Variants in LINGO2 observed in about 807,000 individuals in gnomAD.
LINGO2 encodes the protein leucine rich repeat and Ig domain containing 2.
In LINGO2, 14 loss-of-function variants were observed where a neutral mutation model predicts 30.6. The observed-to-expected ratio is 0.46, with a 90% CI of 0.30 to 0.72. The LOEUF is 0.72. Among genes scored for constraint, LINGO2 ranks in the 30% least tolerant of loss-of-function variants. The pLI is 0.07. For missense variants in LINGO2, 729 were observed against 751.7 expected, an observed-to-expected ratio of 0.97 and a Z score of 0.35; for synonymous variants, 317 against 288.5, an observed-to-expected ratio of 1.10 and a Z score of -1.00.
intron 4 of LINGO2, among the ~76,000 whole-genome samples, chr9:28,072,517 G>A (rs1167651267): frequency 1.3e-5 from 2 of 152,176 alleles, no homozygotes; most frequent in African/African-American, 4.8e-5. Flanking sequence ...AGACCTGTCA[G>A]GCCAAAAGGT....
At chr9:29,063,892 A>G in the LINGO2 span, among the ~76,000 whole-genome samples, 2 of 152,210 alleles carry the variant, frequency 1.3e-5, no homozygotes, top group Admixed American at 1.3e-4. Context: ...CAATACCTAC[A>G]TAACAAAGAT....
chr9:28,157,280 A>C (rs1456840789), intron 4 of LINGO2, among the ~76,000 whole-genome samples: 1 of 152,178 alleles, frequency 6.6e-6, no homozygotes, highest in East Asian at 1.9e-4. Context: ...CACCATGTGG[A>C]AGCTGCCAAG....
chr9:28,059,220 C>G (rs11789905), intron 4 of LINGO2, among the ~76,000 whole-genome samples: 13,361 of 152,128 alleles, frequency 0.088, 809 homozygotes, highest in Middle Eastern at 0.18. Flanking sequence ...AAATGCTAAA[C>G]CGTCACAGCT....
intron 1 of LINGO2, among the ~76,000 whole-genome samples, chr9:28,539,972 T>G (rs1469254525): frequency 6.6e-6 from 1 of 152,138 alleles, no homozygotes. Context: ...GCCCGAGTCA[T>G]TTACTTTCCT....
At chr9:28,439,814 G>C (rs10812828) in intron 2 of LINGO2, among the ~76,000 whole-genome samples, 20,147 of 152,054 alleles carry the variant, frequency 0.13, 1,430 homozygotes, top group South Asian at 0.22. Context: ...CGTGAAACTA[G>C]CTTTGTTCAG....
chr9:29,207,238 AG>A, the LINGO2 span, among the ~76,000 whole-genome samples: 1 of 152,076 alleles, frequency 6.6e-6, no homozygotes, highest in African/African-American at 2.4e-5. Flanking sequence ...AAGAAAATAA[AG>A]GCACTTTCCT....
At chr9:28,248,586 T>C (rs1822087268) in intron 4 of LINGO2, among the ~76,000 whole-genome samples, 1 of 152,164 alleles carries the variant, frequency 6.6e-6, no homozygotes, top group South Asian at 2.1e-4. Context: ...AATAATAATC[T>C]AATTATGCAT....
chr9:28,695,793 A>T, the LINGO2 span, among the ~76,000 whole-genome samples: 1 of 151,784 alleles, frequency 6.6e-6, no homozygotes, highest in Non-Finnish European at 1.5e-5. Flanking sequence ...CTTTTAAAAA[A>T]TATATAGTTC....
chr9:28,617,280 G>A (rs1826171384), intron 1 of LINGO2, among the ~76,000 whole-genome samples: 1 of 151,416 alleles, frequency 6.6e-6, no homozygotes. Context: ...TTAATCTAAA[G>A]AATATTTCTT....
At chr9:28,909,848 G>C in the LINGO2 span, among the ~76,000 whole-genome samples, 1 of 152,026 alleles carries the variant, frequency 6.6e-6, no homozygotes, top group African/African-American at 2.4e-5. Flanking sequence ...AACATGTATA[G>C]TTGTTTTATT....
At chr9:28,353,088 A>G (rs1303127749) in intron 3 of LINGO2, among the ~76,000 whole-genome samples, 4 of 150,692 alleles carry the variant, frequency 2.7e-5, no homozygotes, top group South Asian at 2.1e-4. Context: ...GGACATAGGC[A>G]TGGGCAAGGA....
intron 2 of LINGO2, among the ~76,000 whole-genome samples, chr9:28,407,494 T>C (rs7865532): frequency 0.34 from 51,143 of 151,930 alleles, 9,598 homozygotes; most frequent in East Asian, 0.71. Flanking sequence ...TCAGCTCACC[T>C]AAGTCCCTGT....
At chr9:28,387,190 A>C (rs549991333) in intron 2 of LINGO2, among the ~76,000 whole-genome samples, 4 of 152,188 alleles carry the variant, frequency 2.6e-5, no homozygotes, top group African/African-American at 7.2e-5. Flanking sequence ...CCCTGTAAAA[A>C]CACACCAATC....
At chr9:27,973,625 G>C (rs1820457017) in intron 5 of LINGO2, among the ~76,000 whole-genome samples, 1 of 152,284 alleles carries the variant, frequency 6.6e-6, no homozygotes, top group Admixed American at 6.5e-5. Context: ...AGAGTCACTG[G>C]ATGAGATGGG....
At chr9:28,453,410 C>G (rs967040844) in intron 2 of LINGO2, among the ~76,000 whole-genome samples, 1 of 151,752 alleles carries the variant, frequency 6.6e-6, no homozygotes, top group African/African-American at 2.4e-5. Context: ...TATAAAGAAA[C>G]CTGATGCAAC....
intron 4 of LINGO2, among the ~76,000 whole-genome samples, chr9:28,277,046 T>C (rs946069397): frequency 6.6e-6 from 1 of 152,152 alleles, no homozygotes; most frequent in Non-Finnish European, 1.5e-5. Context: ...CACTCAAACT[T>C]CATTTTATTT....
chr9:28,983,220 T>C, the LINGO2 span, among the ~76,000 whole-genome samples: 1 of 151,424 alleles, frequency 6.6e-6, no homozygotes, highest in African/African-American at 2.4e-5. Context: ...ACTAAGAATA[T>C]GCAATGAGGA....
chr9:28,510,370 T>C (rs1820323023), intron 1 of LINGO2, among the ~76,000 whole-genome samples: 1 of 152,158 alleles, frequency 6.6e-6, no homozygotes, highest in South Asian at 2.1e-4. Context: ...AATATATTCT[T>C]ATAATAAAGT....
At chr9:28,085,496 T>TA (rs1387350299) in intron 4 of LINGO2, among the ~76,000 whole-genome samples, 1 of 152,148 alleles carries the variant, frequency 6.6e-6, no homozygotes, top group Admixed American at 6.6e-5. Flanking sequence ...AGTAATTGTT[T>TA]ATCACTGATG....
Sources: gnomAD v4.1 joint callset for allele counts (sites outside exome capture counted in the v4.1 genomes callset) on GRCh38, gnomAD v4.1.1 for gene constraint, MANE v1.5 for transcripts, NCBI Gene and HGNC (gene_info 2026-07-23, HGNC 2026-07-21) for gene names.